The following SORCS3 variants were observed in gnomAD, a reference collection of about 807,000 sequenced individuals.
SORCS3 encodes the protein sortilin related VPS10 domain containing receptor 3.
In SORCS3, 57 loss-of-function variants were observed where a neutral mutation model predicts 146.3. That is an observed-to-expected ratio of 0.39 (90% CI 0.31 to 0.49). The LOEUF (loss-of-function observed/expected upper bound fraction) is 0.49, where lower values mean the gene tolerates loss of function less well. Among genes scored for constraint, SORCS3 ranks in the 20% least tolerant of loss-of-function variants. SORCS3 has a pLI of 0.92. For missense variants in SORCS3, 1,341 were observed against 1,575.5 expected, an observed-to-expected ratio of 0.85 and a Z score of 2.52; for synonymous variants, 653 against 618.5, an observed-to-expected ratio of 1.06 and a Z score of -0.83.
chr10:104,763,130 G>A (rs539258891), intron 1 of SORCS3, among the ~76,000 whole-genome samples: 1 of 152,224 alleles, frequency 6.6e-6, no homozygotes, highest in East Asian at 1.9e-4. Context: ...CTAATTTTTG[G>A]TTCATACCCC....
chr10:104,961,214 C>G (rs142390487), intron 3 of SORCS3, among the ~76,000 whole-genome samples: 195 of 152,240 alleles, frequency 1.3e-3, no homozygotes, highest in African/African-American at 4.1e-3. Flanking sequence ...AAGCAACAAA[C>G]GCCTTGGATG....
intron 1 of SORCS3, among the ~76,000 whole-genome samples, chr10:104,690,703 G>C (rs895889173): frequency 6.6e-5 from 10 of 152,076 alleles, no homozygotes; most frequent in African/African-American, 2.4e-4. Context: ...TGAGAACATT[G>C]AGTTGATGAG....
At chr10:104,997,917 T>C (rs546220733) in intron 4 of SORCS3, among the ~76,000 whole-genome samples, 24 of 152,274 alleles carry the variant, frequency 1.6e-4, no homozygotes, top group African/African-American at 5.5e-4. Flanking sequence ...TATGGTGCTA[T>C]TGGAACCTTA....
At chr10:104,825,081 G>A (rs1160005727) in intron 1 of SORCS3, among the ~76,000 whole-genome samples, 1 of 152,208 alleles carries the variant, frequency 6.6e-6, no homozygotes, top group African/African-American at 2.4e-5. Context: ...TGAGAGGCCT[G>A]ATGAGGTTGC....
At chr10:104,882,686 C>G (rs1405665841) in intron 2 of SORCS3, among the ~76,000 whole-genome samples, 1 of 152,096 alleles carries the variant, frequency 6.6e-6, no homozygotes, top group Admixed American at 6.5e-5. Context: ...ATAACATACA[C>G]TATGATTTTT....
intron 2 of SORCS3, among the ~76,000 whole-genome samples, chr10:104,883,980 G>GC (rs371165312): frequency 9.4e-5 from 14 of 149,726 alleles, no homozygotes; most frequent in Non-Finnish European, 1.3e-4. Flanking sequence ...TGGAATGAGG[G>GC]GGGGGAAAGG....
chr10:105,212,931 G>A (rs2056642601), intron 17 of SORCS3, among the ~76,000 whole-genome samples: 2 of 152,254 alleles, frequency 1.3e-5, no homozygotes, highest in Admixed American at 1.3e-4. Flanking sequence ...AGGCATATAT[G>A]TAATTTCAGA....
intron 8 of SORCS3, among the ~76,000 whole-genome samples, chr10:105,143,763 A>G (rs747962228): frequency 2.6e-5 from 4 of 152,202 alleles, no homozygotes; most frequent in Non-Finnish European, 5.9e-5. Context: ...GAGGAGTTTC[A>G]TAAATCACGT....
intron 1 of SORCS3, among the ~76,000 whole-genome samples, chr10:104,723,253 G>A (rs1372470360): frequency 6.6e-6 from 1 of 152,184 alleles, no homozygotes; most frequent in Non-Finnish European, 1.5e-5. Flanking sequence ...AGTCATTCAG[G>A]AGCAGGTTGT....
At chr10:105,149,813 A>G (rs2056155960) in intron 9 of SORCS3, among the ~76,000 whole-genome samples, 1 of 152,150 alleles carries the variant, frequency 6.6e-6, no homozygotes, top group Non-Finnish European at 1.5e-5. Context: ...TTGGTCATTT[A>G]CAACAGTGTG....
intron 4 of SORCS3, among the ~76,000 whole-genome samples, chr10:104,996,821 A>T (rs1055115057): frequency 6.6e-6 from 1 of 152,196 alleles, no homozygotes; most frequent in Non-Finnish European, 1.5e-5. Flanking sequence ...AGAAAAAAAA[A>T]TTTTTACTAC....
At chr10:104,751,060 A>G (rs145519496) in intron 1 of SORCS3, among the ~76,000 whole-genome samples, 262 of 152,316 alleles carry the variant, frequency 1.7e-3, no homozygotes, top group African/African-American at 5.9e-3. Flanking sequence ...AGAAGCACAC[A>G]GCAAGAAAGA....
intron 1 of SORCS3, among the ~76,000 whole-genome samples, chr10:104,681,200 A>G (rs2015969754): frequency 6.6e-6 from 1 of 152,208 alleles, no homozygotes; most frequent in Admixed American, 6.5e-5. Context: ...TTCTCCAAGT[A>G]AACAAACCCA....
intron 4 of SORCS3, among the ~76,000 whole-genome samples, chr10:104,983,216 G>A (rs2054941684): frequency 1.3e-5 from 2 of 152,004 alleles, no homozygotes; most frequent in Non-Finnish European, 2.9e-5. Context: ...AGTCAGGCTG[G>A]TCTCAAGCTC....
At chr10:104,715,481 C>A (rs570423702) in intron 1 of SORCS3, among the ~76,000 whole-genome samples, 1 of 152,158 alleles carries the variant, frequency 6.6e-6, no homozygotes, top group Non-Finnish European at 1.5e-5. Context: ...ATCTTGCAGA[C>A]GGCAGATCAT....
rs531178064 is a variant in SORCS3 at position 104,849,336 on chromosome 10, C to T, written c.695+6477C>T. Among the ~76,000 whole-genome samples, 11 of 139,434 alleles carry T rather than the reference C, an allele frequency of 7.9e-5. No individual in the cohort carries two copies. The East Asian group carries it at 1.1e-3, about 14-fold the overall frequency. The allele number at this position is 139,434 out of a possible 152,430, so 91.5% of individuals were successfully genotyped here. On this transcript the variant is annotated intron_variant, in intron 2 of 26. Coordinates refer to ENST00000369701, the MANE Select transcript of SORCS3 (RefSeq NM_014978.3). ...CTGAGGCAGGAGAATCACTTGAACG[C>T]GGGAAGCGGAGGTTGTAGTGAGCTG...
chr10:105,189,846 G>A (rs142905624), intron 14 of SORCS3, among the ~76,000 whole-genome samples: 31 of 152,280 alleles, frequency 2.0e-4, no homozygotes, highest in African/African-American at 7.0e-4. Context: ...GTATGCCTCA[G>A]GGATTCCCAA....
intron 20 of SORCS3, among the ~76,000 whole-genome samples, chr10:105,244,188 A>G (rs1416612934): frequency 2.0e-5 from 3 of 152,126 alleles, no homozygotes; most frequent in African/African-American, 7.2e-5. Context: ...CCAGTGAATA[A>G]TGACTCATCA....
At chr10:104,952,834 G>T (rs928064865) in intron 3 of SORCS3, among the ~76,000 whole-genome samples, 2 of 152,130 alleles carry the variant, frequency 1.3e-5, no homozygotes, top group East Asian at 3.9e-4. Flanking sequence ...GGGAATTGTT[G>T]CCCATTAATT....
Sources: gnomAD v4.1 joint callset for allele counts (sites outside exome capture counted in the v4.1 genomes callset) on GRCh38, gnomAD v4.1.1 for gene constraint, MANE v1.5 for transcripts, NCBI Gene and HGNC (gene_info 2026-07-23, HGNC 2026-07-21) for gene names.